LUZP4: variants seen among roughly 807,000 people sequenced by gnomAD.
LUZP4 encodes HOM-TES-85 tumor antigen.
LUZP4 carries 11 observed loss-of-function variants against 8.5 expected under a neutral mutation model. The observed-to-expected ratio is 1.30, with a 90% confidence interval of 0.82 to 2.14. The LOEUF (loss-of-function observed/expected upper bound fraction) is 2.14. LUZP4 is among the 30% of genes most tolerant of loss of function. The pLI is 0.00. For synonymous variants in LUZP4, 104 were observed against 79.4 expected (o/e 1.31, Z -1.65); for missense variants, 276 against 229.7 (o/e 1.20, Z -1.30).
At chrX:115,298,697 C>G (rs1263640649) in intron 1 of LUZP4, among the ~76,000 whole-genome samples, 2 of 111,641 alleles carry the variant, frequency 1.8e-5, no homozygotes, top group Non-Finnish European at 3.8e-5. Context: ...ATTCTGAATT[C>G]CTTCTGTCTT....
At chrX:115,302,866 T>A (rs1055668311) in intron 2 of LUZP4, among the ~76,000 whole-genome samples, 9 of 112,443 alleles carry the variant, frequency 8.0e-5, no homozygotes. Flanking sequence ...ACAAAATTGA[T>A]CTTTGTGAGC....
At chrX:115,293,414 G>C (rs1400444768) in intron 1 of LUZP4, among the ~76,000 whole-genome samples, 1 of 109,531 alleles carries the variant, frequency 9.1e-6, no homozygotes, top group Non-Finnish European at 1.9e-5. Flanking sequence ...AAGTAGCTGG[G>C]ATACAGGCGT....
At chrX:115,305,413 T>C (rs1486450666) in intron 3 of LUZP4, among the ~76,000 whole-genome samples, 1 of 112,447 alleles carries the variant, frequency 8.9e-6, no homozygotes, top group Non-Finnish European at 1.9e-5. Context: ...AGCAGTTGCT[T>C]CCAGCTTCTG....
In LUZP4 at chrX:115,289,854, T is replaced by C. The variant is rs782068087; in HGVS notation, c.91+4T>C. On this transcript the variant is annotated splice_donor_region_variant and intron_variant, in intron 1 of 3. Coordinates refer to ENST00000371920, the MANE Select transcript of LUZP4 (RefSeq NM_016383.5). ...AACTTCCTAGATATGTCTCTAGGTA[T>C]GTAGATCTCGGATCCCAGTCTCCAC... 19 of 1,167,997 alleles carry C rather than the reference T, an allele frequency of 1.6e-5. No homozygotes were observed. The East Asian group carries it at 5.4e-4, about 33-fold the overall frequency.
chrX:115,302,079 C>A lies in LUZP4; in HGVS notation c.179C>A (p.Pro60His). ...KRQNHSKKES[P>H]SRQQSKAHRH... is the part of the protein sequence containing the mutation. ...CAGAACCATAGTAAAAAGGAATCGCCTTCAAGACAGCAATCAAAAGCTCAT... is the reference window on the plus strand; with the variant it reads ...CAGAACCATAGTAAAAAGGAATCGCATTCAAGACAGCAATCAAAAGCTCAT... The change falls in exon 2 of 4, where the codon CCT becomes CAT. Residue 60 changes from proline (P) to histidine (H), a missense_variant. Coordinates refer to ENST00000371920, the MANE Select transcript of LUZP4 (RefSeq NM_016383.5). 1 of 1,196,358 alleles carries A rather than the reference C, an allele frequency of 8.4e-7. No homozygotes were observed. Among genetic ancestry groups the A allele is most frequent in the Admixed American group, 2.3e-5 (1 of 43,569 alleles).
At position 115,306,357 on chromosome X, in the gene LUZP4, C is replaced by G. The variant is rs1556603860; in HGVS notation, c.495C>G (p.His165Gln). 1.7e-6 allele frequency: 2 copies of G among 1,211,409 alleles called. No homozygotes were observed. Among genetic ancestry groups the G allele is most frequent in the Admixed American group, 4.4e-5 (2 of 45,951 alleles). ...ENHHSERSRNHLERSLSQSDR... is the reference protein window; with the variant it reads ...ENHHSERSRNQLERSLSQSDR... ...ATCATTCTGAGCGATCCCGAAACCA[C>G]TTAGAGAGATCTCTTTCTCAGTCAG... is the stretch of plus-strand genomic sequence containing the variant. The change falls in exon 4 of 4, where the codon CAC becomes CAG. Residue 165 changes from histidine (H) to glutamine (Q), a missense_variant. By Grantham distance (24) the His-to-Gln change is conservative. Coordinates refer to ENST00000371920, the MANE Select transcript of LUZP4 (RefSeq NM_016383.5).
intron 3 of LUZP4, among the ~76,000 whole-genome samples, chrX:115,304,076 G>T (rs2073409706): frequency 8.9e-6 from 1 of 112,187 alleles, no homozygotes; most frequent in African/African-American, 3.2e-5. Context: ...TTATTTATTT[G>T]CTTGTTCATT....
Position 115,306,734 on chromosome X carries a change from CAG to C in LUZP4, c.873_874del (p.Gly292GlufsTer16). ...ACTGAGAGAGATCTCATAAATCAGT[CAG>C]GGAGATCTCATGGCCAATCAGAAAG... On this transcript the variant is annotated frameshift_variant, in exon 4 of 4. Transcript: ENST00000371920. LOFTEE classifies it low-confidence loss of function (END_TRUNC). The C allele has an allele frequency of 1.7e-6, 2 of 1,205,905 alleles. No homozygotes were observed. The highest frequency in any genetic ancestry group is 1.1e-6 in the Non-Finnish European group (1 of 891,192).
At position 115,306,477 on chromosome X, in the gene LUZP4, T is replaced by C; in HGVS notation, c.615T>C (p.His205=). 1.7e-6 allele frequency: 2 copies of C among 1,211,460 alleles called. No homozygotes were observed. Among genetic ancestry groups the C allele is most frequent in the Non-Finnish European group, 2.2e-6 (2 of 895,489 alleles). The change falls in exon 4 of 4, where the codon CAT becomes CAC. Residue 205 remains histidine (H), a synonymous_variant. Coordinates refer to ENST00000371920, the MANE Select transcript of LUZP4 (RefSeq NM_016383.5). The part of the protein sequence containing the change: ...KRSHGQSERS[H]GHSERSHGHS... ...CTCATGGTCAATCTGAGAGATCTCA[T>C]GGCCACTCAGAGAGATCTCATGGTC...
In LUZP4 at chrX:115,306,227, A is replaced by C. The variant is rs184009011; in HGVS notation, c.365A>C (p.Glu122Ala). Reference sequence around the variant, plus strand: ...CAGGAGAAGTGCAGTGACAATTATGAGGCCCAAGCAGAGAAGAATCAAGGC... The same window carrying C: ...CAGGAGAAGTGCAGTGACAATTATGCGGCCCAAGCAGAGAAGAATCAAGGC... ...IEQEKCSDNY[E>A]AQAEKNQGQS... Residue 122 changes from glutamate to alanine, a missense_variant, in exon 4 of 4, where the codon GAG becomes GCG. Glu to Ala is a moderately radical substitution (Grantham distance 107). Coordinates refer to ENST00000371920, the MANE Select transcript of LUZP4 (RefSeq NM_016383.5). The C allele has an allele frequency of 1.7e-6, 2 of 1,205,627 alleles. No homozygotes were observed. Among genetic ancestry groups the C allele is most frequent in the Non-Finnish European group, 2.2e-6 (2 of 893,019 alleles).
Position 115,306,849 on chromosome X carries a change from T to C in LUZP4, c.*45T>C. 1 of 1,100,223 alleles carries C rather than the reference T, an allele frequency of 9.1e-7. No individual in the cohort carries two copies. Among genetic ancestry groups the C allele is most frequent in the African/African-American group, 1.8e-5 (1 of 55,511 alleles). The allele number at this position is 1,100,223 out of a possible 1,213,427, so 90.7% of individuals were successfully genotyped here. A position where few individuals can be genotyped will look rare whatever the true frequency, so the allele number is the denominator to read the frequency against. On this transcript the variant is annotated 3_prime_UTR_variant, in exon 4 of 4. Transcript: ENST00000371920. ...AATTCTGTGGAAATAGAAAAGCATA[T>C]ATCTATATTCTAATGGCTAAATATG...
chrX:115,306,112 TTGC>T, intron 3 of LUZP4, 90 bp from the exon 4 acceptor site: 1 of 901,756 alleles, frequency 1.1e-6, no homozygotes, highest in Non-Finnish European at 1.5e-6. Context: ...AAAGAAATAG[TTGC>T]CCATAAAAAT....
In LUZP4 at chrX:115,293,824, G is replaced by C. The variant is rs185193957; in HGVS notation, c.91+3974G>C. On this transcript the variant is annotated intron_variant, in intron 1 of 3. Transcript: ENST00000371920. ...AAATTAGCCGGGCGTGGAGGCAGGC[G>C]CCTGTAGTCCCAGCTACTTGGGAGG... Among the ~76,000 whole-genome samples the C allele has an allele frequency of 5.7e-3, 619 of 109,014 alleles. 4 individuals carry two copies. Among genetic ancestry groups the C allele is most frequent in the African/African-American group, 0.019 (579 of 29,955 alleles). 94.7% of individuals were successfully genotyped at this position (109,014 alleles called of 115,157 possible). A position where few individuals can be genotyped will look rare whatever the true frequency, so the allele number is the denominator to read the frequency against.
intron 3 of LUZP4, 35 bp from the exon 4 acceptor site, chrX:115,306,170 T>C: frequency 8.5e-7 from 1 of 1,172,122 alleles, no homozygotes; most frequent in Non-Finnish European, 1.1e-6. Context: ...GAAGTATATG[T>C]TTCATTTGTT....
At chrX:115,305,694 C>CT (rs2073417231) in intron 3 of LUZP4, among the ~76,000 whole-genome samples, 1 of 112,424 alleles carries the variant, frequency 8.9e-6, no homozygotes, top group Non-Finnish European at 1.9e-5. Flanking sequence ...CAACCTTCTG[C>CT]TTTTTTTACA....
chrX:115,305,280 T>C (rs1222368246), intron 3 of LUZP4, among the ~76,000 whole-genome samples: 1 of 112,308 alleles, frequency 8.9e-6, no homozygotes, highest in African/African-American at 3.2e-5. Flanking sequence ...GGTTTTTCAG[T>C]ACAAAAGCTG....
intron 1 of LUZP4, among the ~76,000 whole-genome samples, chrX:115,290,156 G>C (rs1308039825): frequency 1.8e-5 from 2 of 111,213 alleles, no homozygotes; most frequent in Admixed American, 1.9e-4. Context: ...GGAGAAAATA[G>C]ACCGCTATTA....
Position 115,303,355 on chromosome X carries a change from C to T in LUZP4, c.279C>T (p.Ser93=). 1 of 1,199,301 alleles carries T rather than the reference C, an allele frequency of 8.3e-7. No individual in the cohort carries two copies. Among genetic ancestry groups the T allele is most frequent in the Non-Finnish European group, 1.1e-6 (1 of 889,222 alleles). ...SEEGNHDKKP[S]QKPSGFKSGQ... ...AAGGAAATCATGATAAAAAACCATC[C>T]CAAAAACCTTCTGGATTCAAGTCTG... The change falls in exon 3 of 4, where the codon TCC becomes TCT. Residue 93 remains serine, a synonymous_variant. Transcript: ENST00000371920.
chrX:115,300,953 G>A (rs782478900), intron 1 of LUZP4, among the ~76,000 whole-genome samples: 7 of 110,234 alleles, frequency 6.4e-5, no homozygotes, highest in East Asian at 5.8e-4. Flanking sequence ...TTAAATTCGC[G>A]TCCTTGCTGG....
Sources: gnomAD v4.1 joint callset for allele counts (sites outside exome capture counted in the v4.1 genomes callset) on GRCh38, gnomAD v4.1.1 for gene constraint, MANE v1.5 for transcripts, NCBI Gene and HGNC (gene_info 2026-07-23, HGNC 2026-07-21) for gene names.